Variants in VPS37B observed in about 807,000 individuals in gnomAD.
VPS37B encodes the protein VPS37B subunit of ESCRT-I.
Under a neutral mutation model 21.2 loss-of-function variants are expected in VPS37B, and 11 were observed. The ratio of observed to expected loss-of-function variants is 0.52; its 90% CI spans 0.33 to 0.86. VPS37B has a LOEUF of 0.86. VPS37B is among the 40% of genes least tolerant of loss of function. The pLI is 0.03. For synonymous variants in VPS37B, 175 were observed against 159.6 expected, an observed-to-expected ratio of 1.10 and a Z score of -0.73; for missense variants, 389 against 374.8, an observed-to-expected ratio of 1.04 and a Z score of -0.31.
rs73406977 is a variant in VPS37B at position 122,892,087 on chromosome 12, G to A, written c.111+3865C>T. Among the ~76,000 whole-genome samples, 785 of 152,276 alleles carry A rather than the reference G, an allele frequency of 5.2e-3. 11 individuals are homozygous for A. Among genetic ancestry groups the A allele is most frequent in the African/African-American group, 0.018 (742 of 41,546 alleles). ...TAAGGGAGTGCCCTGCAAGTCCAAT[G>A]GGGTTAATGTTGACAGATGAAGGCA... On this transcript the variant is annotated intron_variant, in intron 1 of 3. Transcript: ENST00000267202.
chr12:122,867,344 T>TGG lies in VPS37B; in HGVS notation c.628_629dup (p.Pro211HisfsTer10), dbSNP rs769147588. The TGG allele has an allele frequency of 2.1e-5, 9 of 431,078 alleles. No homozygotes were observed. The Admixed American group carries it at 2.6e-4, about 12-fold the overall frequency. The allele number at this position is 431,078 out of a possible 1,614,324, so 26.7% of individuals were successfully genotyped here. A position where few individuals can be genotyped will look rare whatever the true frequency, so the allele number is the denominator to read the frequency against. On this transcript the variant is annotated frameshift_variant, in exon 4 of 4. Transcript: ENST00000267202. LOFTEE classifies it high-confidence loss of function. The surrounding 1 kb of genome is among the most constrained non-coding windows in gnomAD (Gnocchi z 5.5). Reference sequence around the variant, plus strand: ...AGCGTCCCGCAGGCACCGGGGGTGGTGGGGGGGGGATGCGCCGAGGTGCAA... The same window carrying TGG: ...AGCGTCCCGCAGGCACCGGGGGTGGTGGGGGGGGGGGATGCGCCGAGGTGCAA...
intron 1 of VPS37B, chr12:122,881,511 G>A (rs1469263598): frequency 6.6e-6 from 1 of 152,228 alleles, no homozygotes; most frequent in Non-Finnish European, 1.5e-5. Context: ...GGCCCAGGCA[G>A]GCAGATTGTT....
chr12:122,885,628 G>C lies in VPS37B; in HGVS notation c.111+10324C>G, dbSNP rs552392279. 1.1e-4 allele frequency: 16 copies of C among 148,596 alleles called. 1 individual carries two copies. The highest frequency in any genetic ancestry group is 1.1e-3 in the Admixed American group (16 of 14,966). The allele number at this position is 148,596 out of a possible 1,614,324, so 9.2% of individuals were successfully genotyped here. ...ATGTGATTACACTTTTCTTCTTTAT[G>C]GTTGTGTTTTCCAAATTTTCTATAA... is the stretch of plus-strand genomic sequence containing the variant. On this transcript the variant is annotated intron_variant, in intron 1 of 3. Coordinates refer to ENST00000267202, the MANE Select transcript of VPS37B (RefSeq NM_024667.3).
intron 1 of VPS37B, among the ~76,000 whole-genome samples, chr12:122,894,893 A>C (rs949264478): frequency 1.3e-5 from 2 of 152,054 alleles, no homozygotes; most frequent in Non-Finnish European, 2.9e-5. Context: ...CCCCATTTTA[A>C]CTTCTTCCTG....
Position 122,867,072 on chromosome 12 carries a change from C to CA in VPS37B, c.*43dup. 1 of 1,481,848 alleles carries CA rather than the reference C, an allele frequency of 6.7e-7. No homozygotes were observed. The highest frequency in any genetic ancestry group is 8.9e-7 in the Non-Finnish European group (1 of 1,119,140). The allele number at this position is 1,481,848 out of a possible 1,614,324, so 91.8% of individuals were successfully genotyped here. A position where few individuals can be genotyped will look rare whatever the true frequency, so the allele number is the denominator to read the frequency against. On this transcript the variant is annotated 3_prime_UTR_variant, in exon 4 of 4. Transcript: ENST00000267202. The surrounding 1 kb of genome is among the most constrained non-coding windows in gnomAD (Gnocchi z 5.5). ...CCTCCTTCCCGTGAGCAGAGCACAA[C>CA]ACGCCAGGTGGAAGAAGTCTCCCGG... is the stretch of plus-strand genomic sequence containing the variant.
intron 1 of VPS37B, chr12:122,878,561 T>C (rs1030513967): frequency 2.0e-5 from 3 of 150,974 alleles, no homozygotes; most frequent in Non-Finnish European, 1.5e-5. Flanking sequence ...TCTTTGCAAA[T>C]GTAATGAAGT....
rs1349988523 is a variant in VPS37B at position 122,865,340 on chromosome 12, TTCTC to T, written c.*1772_*1775del. On this transcript the variant is annotated 3_prime_UTR_variant, in exon 4 of 4. Coordinates refer to ENST00000267202, the MANE Select transcript of VPS37B (RefSeq NM_024667.3). ...TAAGTGACAGGCCTGTTATTAATAA[TTCTC>T]TATTTATTAAAAAGGGTCCTACAGC... The T allele has an allele frequency of 6.6e-6, 1 of 152,228 alleles. No individual in the cohort carries two copies. The highest frequency in any genetic ancestry group is 1.5e-5 in the Non-Finnish European group (1 of 68,040). 9.4% of individuals were successfully genotyped at this position (152,228 alleles called of 1,614,324 possible). A position where few individuals can be genotyped will look rare whatever the true frequency, so the allele number is the denominator to read the frequency against.
At chr12:122,891,401 T>G (rs1333487164) in intron 1 of VPS37B, among the ~76,000 whole-genome samples, 1 of 152,244 alleles carries the variant, frequency 6.6e-6, no homozygotes, top group African/African-American at 2.4e-5. Context: ...ATCCTTCCTT[T>G]AACAGTTGAG....
intron 1 of VPS37B, chr12:122,873,561 G>A (rs1196597181): frequency 6.6e-6 from 1 of 152,216 alleles, no homozygotes; most frequent in African/African-American, 2.4e-5. Context: ...CTGAGAAACA[G>A]GAGTGCTCCC....
chr12:122,870,401 C>G (rs971624265), intron 2 of VPS37B: 10 of 154,344 alleles, frequency 6.5e-5, no homozygotes, highest in Non-Finnish European at 1.3e-4. Context: ...CCTGCCCTCT[C>G]GAACCGCAAG....
intron 1 of VPS37B, chr12:122,874,385 T>A (rs1007312429): frequency 2.0e-5 from 3 of 152,248 alleles, no homozygotes; most frequent in African/African-American, 7.2e-5. Flanking sequence ...CAAAGCTCCC[T>A]GCTGATACAT....
rs543557563 is a variant in VPS37B, at chr12:122,866,113, G to A, written c.*1003C>T. 3.3e-5 allele frequency: 5 copies of A among 152,810 alleles called. No individual in the cohort carries two copies. Among genetic ancestry groups the A allele is most frequent in the Admixed American group, 2.0e-4 (3 of 15,312 alleles). The allele number at this position is 152,810 out of a possible 1,614,324, so 9.5% of individuals were successfully genotyped here. On this transcript the variant is annotated 3_prime_UTR_variant, in exon 4 of 4. Coordinates refer to ENST00000267202, the MANE Select transcript of VPS37B (RefSeq NM_024667.3). ...GCAATGAACTTGGACAAGCCCTTCA[G>A]AGAAAGCAGAGCCGGGGCCTTGCCC...
chr12:122,872,502 A>C (rs2034058245), intron 1 of VPS37B: 21 of 985,424 alleles, frequency 2.1e-5, no homozygotes, highest in Non-Finnish European at 2.3e-5. Context: ...ATCTCTTCTG[A>C]TGCCTTTAGC....
At chr12:122,870,097 A>G (rs1593906558) in intron 2 of VPS37B, 1 of 148,848 alleles carries the variant, frequency 6.7e-6, no homozygotes, top group Non-Finnish European at 1.5e-5. Flanking sequence ...GGCAAACGTC[A>G]TAAGACATCT....
rs1449584518 is a variant in VPS37B, at chr12:122,867,404, G to C, written c.570C>G (p.Pro190=). The change falls in exon 4 of 4, where the codon CCC becomes CCG. Residue 190 remains proline (P), a synonymous_variant. Transcript: ENST00000267202. This position sits in a 1 kb window ranked among gnomAD's most constrained non-coding sequence, Gnocchi z 5.5. ...LPELAPTAPL[P]YPAPEASGPP... Reference sequence around the variant, plus strand: ...GCCCACTGGCCTCTGGGGCAGGGTAGGGAAGGGGGGCGGTAGGTGCCAGTT... The same window carrying C: ...GCCCACTGGCCTCTGGGGCAGGGTACGGAAGGGGGGCGGTAGGTGCCAGTT... 3 of 1,607,952 alleles carry C rather than the reference G, an allele frequency of 1.9e-6. No homozygotes were observed. The highest frequency in any genetic ancestry group is 1.3e-5 in the African/African-American group (1 of 74,478).
chr12:122,892,776 G>A (rs1302172582), intron 1 of VPS37B, among the ~76,000 whole-genome samples: 3 of 152,150 alleles, frequency 2.0e-5, no homozygotes, highest in Non-Finnish European at 4.4e-5. Context: ...ATTAGCCGGT[G>A]GCAGCGGGGT....
chr12:122,872,589 G>T (rs1286393462), intron 1 of VPS37B: 3 of 985,242 alleles, frequency 3.0e-6, no homozygotes, highest in African/African-American at 1.7e-5. Flanking sequence ...CCCGTCACCC[G>T]CTTCCCCACC....
intron 1 of VPS37B, chr12:122,885,733 G>C (rs994727289): frequency 2.2e-5 from 3 of 136,660 alleles, no homozygotes; most frequent in African/African-American, 8.2e-5. Flanking sequence ...GCCCAGGCTG[G>C]AGTGCAGTGG....
Position 122,865,453 on chromosome 12 carries a change from C to T in VPS37B, c.*1663G>A, listed in dbSNP as rs2033878680. The T allele has an allele frequency of 6.6e-6, 1 of 152,282 alleles. No homozygotes were observed. The highest frequency in any genetic ancestry group is 1.9e-4 in the East Asian group (1 of 5,196). The allele number at this position is 152,282 out of a possible 1,614,324, so 9.4% of individuals were successfully genotyped here. On this transcript the variant is annotated 3_prime_UTR_variant, in exon 4 of 4. Transcript: ENST00000267202. The stretch of plus-strand genomic sequence containing the variant: ...CGCTTTGCAACTTCAATGCCAAGCT[C>T]ACGTCTGGCTGCGACCGTGGCAGGC...
Sources: gnomAD v4.1 joint callset for allele counts (sites outside exome capture counted in the v4.1 genomes callset) on GRCh38, gnomAD v4.1.1 for gene constraint, Gnocchi (gnomAD v3.1) non-coding constraint, MANE v1.5 for transcripts, NCBI Gene and HGNC (gene_info 2026-07-23, HGNC 2026-07-21) for gene names.